The following UGT3A2 variants were observed in gnomAD, a reference collection of about 807,000 sequenced individuals.
UGT3A2 encodes UDP glycosyltransferase family 3 member A2, also known as UDP-glycosyltransferase 3A2.
In UGT3A2, 32 loss-of-function variants were observed where a neutral mutation model predicts 39.8. That is an observed-to-expected ratio of 0.80 (90% confidence interval 0.61 to 1.08). The LOEUF (loss-of-function observed/expected upper bound fraction) is 1.08. Ranked by LOEUF, UGT3A2 falls within the 50% of genes least tolerant of loss-of-function variation. UGT3A2 has a pLI of 0.00. For synonymous variants in UGT3A2, 241 were observed against 230.7 expected, an observed-to-expected ratio of 1.04 and a Z score of -0.40; for missense variants, 611 against 637.1, an observed-to-expected ratio of 0.96 and a Z score of 0.44.
chr5:36,060,232 C>T (rs1046853812), intron 2 of UGT3A2, among the ~76,000 whole-genome samples: 2 of 152,232 alleles, frequency 1.3e-5, no homozygotes, highest in Non-Finnish European at 2.9e-5. Flanking sequence ...AATTGCCTTT[C>T]TCAAATTAAT....
intron 2 of UGT3A2, among the ~76,000 whole-genome samples, chr5:36,059,930 T>C (rs116613280): frequency 0.047 from 7,215 of 152,214 alleles, 625 homozygotes; most frequent in African/African-American, 0.17. Context: ...AACAGGAGAC[T>C]GGAGGGACTC....
chr5:36,039,840 C>T (rs897742988), intron 4 of UGT3A2, 132 bp from the exon 5 acceptor site: 1 of 690,102 alleles, frequency 1.4e-6, no homozygotes, highest in African/African-American at 1.8e-5. Context: ...TATTATAGCT[C>T]CTAGTATAGC....
chr5:36,063,531 T>C (rs1269319829), intron 2 of UGT3A2, among the ~76,000 whole-genome samples: 1 of 152,214 alleles, frequency 6.6e-6, no homozygotes, highest in Non-Finnish European at 1.5e-5. Context: ...CTGCAAAAGC[T>C]TACTTAAATT....
At chr5:36,050,862 C>A (rs375451609) in intron 3 of UGT3A2, among the ~76,000 whole-genome samples, 101 of 138,808 alleles carry the variant, frequency 7.3e-4, no homozygotes, top group Non-Finnish European at 4.8e-4. Flanking sequence ...AACTCCGTCT[C>A]AAAAAAAAAA....
chr5:36,046,301 C>T (rs1262424203), intron 4 of UGT3A2, among the ~76,000 whole-genome samples: 1 of 152,200 alleles, frequency 6.6e-6, no homozygotes, highest in Non-Finnish European at 1.5e-5. Context: ...TGAAGAGATA[C>T]CTGCACTTCC....
At chr5:36,062,608 G>A (rs1742742743) in intron 2 of UGT3A2, among the ~76,000 whole-genome samples, 1 of 151,988 alleles carries the variant, frequency 6.6e-6, no homozygotes, top group African/African-American at 2.4e-5. Context: ...CTATATCTCT[G>A]TTTTGGTACC....
chr5:36,059,288 GC>G (rs577175518), intron 2 of UGT3A2, among the ~76,000 whole-genome samples: 219 of 151,896 alleles, frequency 1.4e-3, no homozygotes, highest in African/African-American at 4.8e-3. Flanking sequence ...ACTGTTTAGT[GC>G]CCTAGAGGTC....
At chr5:36,059,671 T>C (rs1742625743) in intron 2 of UGT3A2, among the ~76,000 whole-genome samples, 1 of 152,184 alleles carries the variant, frequency 6.6e-6, no homozygotes, top group African/African-American at 2.4e-5. Flanking sequence ...TGTCTTCTGT[T>C]AATCAGAAAG....
chr5:36,039,607 C>T lies in UGT3A2; in HGVS notation c.945G>A (p.Glu315=). 1 of 1,614,220 alleles carries T rather than the reference C, an allele frequency of 6.2e-7. No homozygotes were observed. The highest frequency in any genetic ancestry group is 8.5e-7 in the Non-Finnish European group (1 of 1,180,044). ...GTAGGTGAGCAAAGGCATTGTTCAT[C>T]TCCTTGAAGATTTCCGGATTCTGAC... ...NTCQNPEIFK[E]MNNAFAHLPQ... Residue 315 remains glutamate, a synonymous_variant, in exon 5 of 7, where the codon GAG becomes GAA. Coordinates refer to ENST00000282507, the MANE Select transcript of UGT3A2 (RefSeq NM_174914.4).
intron 2 of UGT3A2, among the ~76,000 whole-genome samples, chr5:36,053,611 A>C (rs1742417324): frequency 4.6e-5 from 7 of 152,176 alleles, no homozygotes. Context: ...TCTTCTGAGC[A>C]CCTATCATGG....
At chr5:36,062,788 C>T (rs1253800973) in intron 2 of UGT3A2, among the ~76,000 whole-genome samples, 1 of 152,072 alleles carries the variant, frequency 6.6e-6, no homozygotes, top group Non-Finnish European at 1.5e-5. Context: ...ACCTGTAATC[C>T]CAGCACTTTG....
chr5:36,036,616 A>G (rs1741840019), intron 6 of UGT3A2, among the ~76,000 whole-genome samples: 1 of 152,214 alleles, frequency 6.6e-6, no homozygotes, highest in Non-Finnish European at 1.5e-5. Flanking sequence ...GAAAAATCCA[A>G]CGAAAGCTAC....
At chr5:36,046,419 CTCA>C (rs1311205659) in intron 4 of UGT3A2, among the ~76,000 whole-genome samples, 1 of 152,100 alleles carries the variant, frequency 6.6e-6, no homozygotes, top group Non-Finnish European at 1.5e-5. Context: ...CAATGGAGAA[CTCA>C]TCAGCCATAA....
chr5:36,059,161 G>A (rs185315841), intron 2 of UGT3A2, among the ~76,000 whole-genome samples: 1 of 152,196 alleles, frequency 6.6e-6, no homozygotes, highest in African/African-American at 2.4e-5. Context: ...CTTGAGTGAG[G>A]AAGGTCTGGG....
At chr5:36,047,257 T>G (rs1308093420) in intron 4 of UGT3A2, among the ~76,000 whole-genome samples, 1 of 152,220 alleles carries the variant, frequency 6.6e-6, no homozygotes, top group African/African-American at 2.4e-5. Context: ...AACCAGCCTG[T>G]GCCCCAACCA....
chr5:36,051,750 C>G (rs1742349953), intron 3 of UGT3A2, 120 bp downstream of exon 3: 3 of 748,156 alleles, frequency 4.0e-6, no homozygotes, highest in South Asian at 1.7e-5. Flanking sequence ...ATCCATCCAT[C>G]CATCCATCCA....
At position 36,037,665 on chromosome 5, in the gene UGT3A2, T is replaced by C. The variant is rs961029482; in HGVS notation, c.1295+132A>G. On this transcript the variant is annotated intron_variant, in intron 6 of 6. Transcript: ENST00000282507. Reference sequence around the variant, plus strand: ...AGCTGTTGGCATCACACACATATTATCCCATGTCCTGGAAAATACAGTTTT... The same window carrying C: ...AGCTGTTGGCATCACACACATATTACCCCATGTCCTGGAAAATACAGTTTT... 8 of 917,714 alleles carry C rather than the reference T, an allele frequency of 8.7e-6. No homozygotes were observed. The South Asian group carries it at 9.9e-5, about 11-fold the overall frequency. 56.8% of individuals were successfully genotyped at this position (917,714 alleles called of 1,614,324 possible).
At chr5:36,041,584 C>T (rs1272342148) in intron 4 of UGT3A2, among the ~76,000 whole-genome samples, 3 of 152,116 alleles carry the variant, frequency 2.0e-5, no homozygotes, top group African/African-American at 7.2e-5. Context: ...GGGAAGAGAA[C>T]CAGACTCTGC....
chr5:36,038,215 T>C (rs2289876), intron 5 of UGT3A2, among the ~76,000 whole-genome samples, 199 bp from the exon 6 acceptor site: 24,045 of 152,198 alleles, frequency 0.16, 2,021 homozygotes, highest in East Asian at 0.27. Flanking sequence ...TATGGAAACA[T>C]CTTCCCTCAG....
Sources: allele counts gnomAD v4.1 joint callset (sites outside exome capture counted in the v4.1 genomes callset), GRCh38; gene constraint gnomAD v4.1.1; transcripts MANE v1.5; gene names NCBI Gene and HGNC (gene_info 2026-07-23, HGNC 2026-07-21).